The following BACH2 variants were observed in gnomAD, a reference collection of about 807,000 sequenced individuals.
BACH2 encodes the protein transcription regulator protein BACH2.
A neutral mutation model predicts 61.8 loss-of-function variants in BACH2; 5 were observed. That is an observed-to-expected ratio of 0.08 (90% CI 0.04 to 0.17). BACH2 has a LOEUF of 0.17. Among genes scored for constraint, BACH2 ranks in the 10% least tolerant of loss-of-function variants. The pLI is 1.00. For missense variants in BACH2, 824 were observed against 1,091.1 expected, an observed-to-expected ratio of 0.76 and a Z score of 3.45; for synonymous variants, 446 against 440.1, an observed-to-expected ratio of 1.01 and a Z score of -0.17.
intron 3 of BACH2, among the ~76,000 whole-genome samples, chr6:90,230,691 G>A (rs1770067363): frequency 1.3e-5 from 2 of 152,146 alleles, no homozygotes. Context: ...ATGGGAATGT[G>A]GGCTTAATGG....
chr6:90,196,699 C>G (rs918997297), intron 4 of BACH2, among the ~76,000 whole-genome samples: 1 of 152,004 alleles, frequency 6.6e-6, no homozygotes, highest in Admixed American at 6.6e-5. Context: ...GCTCCTTGAT[C>G]ACTATGACAC....
chr6:90,261,648 GA>G (rs1771161511), intron 2 of BACH2, among the ~76,000 whole-genome samples: 1 of 152,060 alleles, frequency 6.6e-6, no homozygotes, highest in African/African-American at 2.4e-5. Context: ...CATACCCTCA[GA>G]TCATTCCTTC....
intron 4 of BACH2, among the ~76,000 whole-genome samples, chr6:90,159,491 T>C (rs1785114957): frequency 6.6e-6 from 1 of 152,216 alleles, no homozygotes; most frequent in Non-Finnish European, 1.5e-5. Context: ...ACAAATCCCT[T>C]TGTCTGCATT....
intron 5 of BACH2, among the ~76,000 whole-genome samples, chr6:90,043,241 A>G (rs911563770): frequency 1.3e-5 from 2 of 152,170 alleles, no homozygotes. Flanking sequence ...TGTGTTGGCA[A>G]CTTAATCCTT....
intron 4 of BACH2, among the ~76,000 whole-genome samples, chr6:90,120,462 T>C (rs1783576516): frequency 1.3e-5 from 2 of 152,330 alleles, no homozygotes; most frequent in South Asian, 4.1e-4. Flanking sequence ...GCTTGCCTAG[T>C]TCACAAACAT....
At chr6:90,027,147 T>C (rs1297806336) in intron 5 of BACH2, among the ~76,000 whole-genome samples, 1 of 152,026 alleles carries the variant, frequency 6.6e-6, no homozygotes, top group African/African-American at 2.4e-5. Context: ...AACAAAAGCA[T>C]CTGGACCACC....
chr6:90,209,887 C>G (rs528667318), intron 3 of BACH2, among the ~76,000 whole-genome samples: 1 of 152,204 alleles, frequency 6.6e-6, no homozygotes, highest in African/African-American at 2.4e-5. Context: ...ATAAATATTA[C>G]GATAGTTTTT....
In BACH2 at chr6:90,001,557, C is replaced by T. The variant is rs1562359341; in HGVS notation, c.243+7045G>A. ...ATTAACTTAAAAGTTTATTTCTCAT[C>T]ATGTCAGAGTCTGATTTGAGTCAGA... On this transcript the variant is annotated intron_variant, in intron 6 of 8. Coordinates refer to ENST00000257749, the MANE Select transcript of BACH2 (RefSeq NM_021813.4). 4 of 152,226 alleles carry T rather than the reference C, an allele frequency of 2.6e-5. 1 individual carries two copies. In the South Asian group the frequency reaches 6.2e-4, roughly 24 times the overall value. 9.4% of individuals were successfully genotyped at this position (152,226 alleles called of 1,614,324 possible).
intron 4 of BACH2, among the ~76,000 whole-genome samples, chr6:90,092,291 A>AAAAAAAAAAAAAATATATATATAT: frequency 1.8e-5 from 2 of 113,826 alleles, no homozygotes; most frequent in African/African-American, 7.2e-5. Flanking sequence ...AAAAAAAAAA[A>AAAAAAAAAAAAAATATATATATAT]ATATATATAT....
Position 89,951,734 on chromosome 6 carries a change from G to A in BACH2, c.372C>T (p.Ser124=), listed in dbSNP as rs764507841. The change falls in exon 7 of 9, where the codon TCC becomes TCT. Residue 124 remains serine, a synonymous_variant. Transcript: ENST00000257749. The surrounding 1 kb of genome is among the most constrained non-coding windows in gnomAD (Gnocchi z 6.4). ...EFLRMHNLED[S]CFSFLQTQLL... is the part of the protein sequence containing the mutation. ...GCTGGGTCTGCAGGAAGCTGAAGCA[G>A]GAGTCCTCCAGGTTGTGCATGCGCA... is the stretch of plus-strand genomic sequence containing the variant. The A allele has an allele frequency of 6.2e-7, 1 of 1,614,254 alleles. No individual in the cohort carries two copies. Among genetic ancestry groups the A allele is most frequent in the Non-Finnish European group, 8.5e-7 (1 of 1,180,046 alleles).
intron 5 of BACH2, among the ~76,000 whole-genome samples, chr6:90,084,639 A>G (rs983031735): frequency 6.6e-6 from 1 of 151,898 alleles, no homozygotes; most frequent in Non-Finnish European, 1.5e-5. Context: ...AAAATCATGA[A>G]GAGTTTCTTT....
intron 3 of BACH2, among the ~76,000 whole-genome samples, chr6:90,215,817 C>T (rs770864552): frequency 1.6e-4 from 24 of 152,156 alleles, no homozygotes; most frequent in Non-Finnish European, 1.6e-4. Flanking sequence ...AAAGTGCTTA[C>T]GGGTAGCCCA....
At chr6:90,278,781 A>G (rs1771770276) in intron 1 of BACH2, among the ~76,000 whole-genome samples, 2 of 152,170 alleles carry the variant, frequency 1.3e-5, no homozygotes, top group African/African-American at 2.4e-5. Context: ...TTAAGCTCTG[A>G]TCTTCTTTTC....
At position 90,047,969 on chromosome 6, in the gene BACH2, AAC is replaced by A. The variant is rs562201091; in HGVS notation, c.-12-39115_-12-39114del. Among the ~76,000 whole-genome samples the A allele has an allele frequency of 5.5e-4, 84 of 152,248 alleles. 1 individual carries two copies. In the South Asian group the frequency reaches 0.017, roughly 31 times the overall value. On this transcript the variant is annotated intron_variant, in intron 5 of 8. Coordinates refer to ENST00000257749, the MANE Select transcript of BACH2 (RefSeq NM_021813.4). ...AAGATTTCAAATAAAACCTGAAGCA[AAC>A]AGAGCACCTGTCTAGATGATAAGAG... is the stretch of plus-strand genomic sequence containing the variant.
At chr6:90,070,855 C>T (rs1424735593) in intron 5 of BACH2, among the ~76,000 whole-genome samples, 1 of 152,226 alleles carries the variant, frequency 6.6e-6, no homozygotes, top group African/African-American at 2.4e-5. Context: ...TTTTTCTCTT[C>T]TCCAGGCTAA....
intron 4 of BACH2, among the ~76,000 whole-genome samples, chr6:90,098,924 T>C (rs937966112): frequency 2.6e-5 from 4 of 152,226 alleles, no homozygotes; most frequent in Non-Finnish European, 5.9e-5. Flanking sequence ...TACTGGTCCA[T>C]GACATGCTGG....
intron 3 of BACH2, among the ~76,000 whole-genome samples, chr6:90,212,356 G>T (rs1769383911): frequency 6.6e-6 from 1 of 152,098 alleles, no homozygotes; most frequent in East Asian, 1.9e-4. Context: ...CTCATTCCCT[G>T]CTTCCTAAAG....
chr6:90,247,182 G>A (rs1187948442), intron 3 of BACH2, among the ~76,000 whole-genome samples: 1 of 152,014 alleles, frequency 6.6e-6, no homozygotes, highest in Non-Finnish European at 1.5e-5. Context: ...CATTTGGAGA[G>A]GACTGTTGTA....
chr6:90,051,090 C>T (rs1434750920), intron 5 of BACH2, among the ~76,000 whole-genome samples: 1 of 151,972 alleles, frequency 6.6e-6, no homozygotes, highest in African/African-American at 2.4e-5. Flanking sequence ...TAAAGGGATT[C>T]TGAAACCAAA....
Sources: gnomAD v4.1 joint callset for allele counts (sites outside exome capture counted in the v4.1 genomes callset) on GRCh38, gnomAD v4.1.1 for gene constraint, Gnocchi (gnomAD v3.1) non-coding constraint, MANE v1.5 for transcripts, NCBI Gene and HGNC (gene_info 2026-07-23, HGNC 2026-07-21) for gene names.